The following CASK variants were observed in gnomAD, a reference collection of about 807,000 sequenced individuals.
CASK encodes calcium/calmodulin dependent serine protein kinase.
CASK carries 4 observed loss-of-function variants against 82.9 expected under a neutral mutation model. The observed-to-expected ratio is 0.05, with a 90% CI of 0.02 to 0.11. The LOEUF (loss-of-function observed/expected upper bound fraction) is 0.11, where lower values mean the gene tolerates loss of function less well. Among genes scored for constraint, CASK ranks in the 10% least tolerant of loss-of-function variants. The pLI, the probability that CASK is intolerant of heterozygous loss-of-function variation, is 1.00. For missense variants in CASK, 358 were observed against 720.9 expected (o/e 0.50, Z 5.76); for synonymous variants, 259 against 253.5 (o/e 1.02, Z -0.20).
chrX:41,624,514 G>A (rs2066334811), intron 10 of CASK, among the ~76,000 whole-genome samples: 1 of 112,430 alleles, frequency 8.9e-6, no homozygotes, highest in Non-Finnish European at 1.9e-5. Context: ...GAATGGGAAA[G>A]TTGATCTTGT....
chrX:41,655,328 G>A (rs1278637530), intron 8 of CASK, among the ~76,000 whole-genome samples: 6 of 110,502 alleles, frequency 5.4e-5, no homozygotes, highest in African/African-American at 1.6e-4. Context: ...TGGGGCTTAT[G>A]GCCAAAGTCT....
At chrX:41,635,007 AATGAT>A (rs1189051430) in intron 9 of CASK, among the ~76,000 whole-genome samples, 1 of 111,421 alleles carries the variant, frequency 9.0e-6, no homozygotes, top group Non-Finnish European at 1.9e-5. Flanking sequence ...CAACACCAAC[AATGAT>A]ATGTTAATAT....
intron 2 of CASK, among the ~76,000 whole-genome samples, chrX:41,789,405 A>G (rs1055765222): frequency 3.6e-5 from 4 of 111,915 alleles, no homozygotes; most frequent in African/African-American, 1.3e-4. Context: ...GGAGCCCAGC[A>G]TGGCAGGGCT....
At chrX:41,649,843 C>T (rs1305569106) in intron 8 of CASK, among the ~76,000 whole-genome samples, 1 of 111,206 alleles carries the variant, frequency 9.0e-6, no homozygotes, top group African/African-American at 3.3e-5. Context: ...CTGATATTGA[C>T]AGTGGGGTGT....
At chrX:41,770,201 GT>G (rs112128637) in intron 3 of CASK, among the ~76,000 whole-genome samples, 1,379 of 97,893 alleles carry the variant, frequency 0.014, 25 homozygotes, top group African/African-American at 0.046. Context: ...AGCTGAGCTT[GT>G]TTTTTTTTTT....
At chrX:41,744,554 C>T (rs1459441476) in intron 4 of CASK, among the ~76,000 whole-genome samples, 2 of 110,306 alleles carry the variant, frequency 1.8e-5, no homozygotes, top group African/African-American at 6.6e-5. Flanking sequence ...CTGTGTTAGC[C>T]AGGATGGTCT....
At chrX:41,795,383 C>T (rs928016715) in intron 2 of CASK, among the ~76,000 whole-genome samples, 4 of 112,284 alleles carry the variant, frequency 3.6e-5, no homozygotes, top group African/African-American at 9.7e-5. Flanking sequence ...GACTTAGAGA[C>T]GAGGCACGGT....
chrX:41,751,433 T>C (rs2068786221), intron 3 of CASK, among the ~76,000 whole-genome samples: 1 of 110,693 alleles, frequency 9.0e-6, no homozygotes, highest in Admixed American at 9.7e-5. Flanking sequence ...GAATTAACAG[T>C]ATAGTGAGTG....
intron 4 of CASK, among the ~76,000 whole-genome samples, chrX:41,745,087 G>A (rs1474257807): frequency 1.8e-5 from 2 of 111,612 alleles, no homozygotes; most frequent in East Asian, 2.8e-4. Context: ...GCGCAATCTC[G>A]GCTCACTGCA....
chrX:41,774,543 T>TC (rs2069312020), intron 3 of CASK, among the ~76,000 whole-genome samples: 1 of 111,148 alleles, frequency 9.0e-6, no homozygotes, highest in South Asian at 3.8e-4. Flanking sequence ...ACTTTAAAGT[T>TC]CATATGGAAC....
intron 1 of CASK, among the ~76,000 whole-genome samples, chrX:41,879,297 C>T (rs931320760): frequency 9.0e-6 from 1 of 111,457 alleles, no homozygotes; most frequent in African/African-American, 3.3e-5. Context: ...CCAGTGGATG[C>T]CTGAAACTGT....
intron 1 of CASK, among the ~76,000 whole-genome samples, chrX:41,865,388 C>G (rs1452022876): frequency 1.8e-5 from 2 of 111,301 alleles, no homozygotes; most frequent in African/African-American, 6.5e-5. Flanking sequence ...TTTTCTCTGA[C>G]ATTCCAGTTC....
At chrX:41,886,614 G>T (rs1398730278) in intron 1 of CASK, among the ~76,000 whole-genome samples, 4 of 111,857 alleles carry the variant, frequency 3.6e-5, no homozygotes, top group Non-Finnish European at 7.5e-5. Flanking sequence ...CTAAAGGATA[G>T]TTTTAAAAAT....
At chrX:41,830,595 C>T (rs771454372) in intron 2 of CASK, among the ~76,000 whole-genome samples, 123 of 108,290 alleles carry the variant, frequency 1.1e-3, no homozygotes, top group Admixed American at 6.5e-3. Context: ...CCAAGGTGGG[C>T]GGATCATGAA....
intron 8 of CASK, among the ~76,000 whole-genome samples, chrX:41,654,292 T>C (rs887818943): frequency 4.5e-5 from 5 of 111,227 alleles, no homozygotes; most frequent in Non-Finnish European, 9.4e-5. Flanking sequence ...AAAACAGTGA[T>C]GGGGTGAAAC....
At position 41,547,327 on chromosome X, in the gene CASK, C is replaced by A. The variant is rs189367215; in HGVS notation, c.2040-4521G>T. On this transcript the variant is annotated intron_variant, in intron 21 of 26. Transcript: ENST00000378163. ...CTTTAAAATCTATAGGTTCCCTCTC[C>A]CTCCTTTTTCTTTTCTTACAATTTG... Among the ~76,000 whole-genome samples the A allele has an allele frequency of 4.7e-4, 52 of 111,646 alleles. 1 individual carries two copies. Among genetic ancestry groups the A allele is most frequent in the African/African-American group, 1.7e-3 (52 of 30,787 alleles).
intron 8 of CASK, among the ~76,000 whole-genome samples, chrX:41,654,763 G>A (rs1352791364): frequency 1.8e-5 from 2 of 112,114 alleles, no homozygotes; most frequent in Middle Eastern, 4.6e-3. Flanking sequence ...TACTATCAAA[G>A]GTTGGTAGGG....
chrX:41,611,706 GTCTCCC>G (rs1263346169), intron 11 of CASK, among the ~76,000 whole-genome samples: 1 of 75,430 alleles, frequency 1.3e-5, no homozygotes, highest in Non-Finnish European at 2.4e-5. Context: ...TCTCCCCACG[GTCTCCC>G]TCTCCCTCTC....
At chrX:41,589,772 C>T (rs1024960376) in intron 12 of CASK, 180 bp from the exon 13 acceptor site, 2 of 407,078 alleles carry the variant, frequency 4.9e-6, no homozygotes, top group Admixed American at 4.1e-5. Flanking sequence ...GAATATGAGT[C>T]TTATGCATAT....
Sources: gnomAD v4.1 joint callset for allele counts (sites outside exome capture counted in the v4.1 genomes callset) on GRCh38, gnomAD v4.1.1 for gene constraint, MANE v1.5 for transcripts, NCBI Gene and HGNC (gene_info 2026-07-23, HGNC 2026-07-21) for gene names.